Variants in GADL1 observed in about 807,000 individuals in gnomAD.
GADL1 encodes acidic amino acid decarboxylase GADL1.
In GADL1, 71 loss-of-function variants were observed where a neutral mutation model predicts 69.5. The observed-to-expected ratio is 1.02, with a 90% CI of 0.84 to 1.25. The LOEUF (loss-of-function observed/expected upper bound fraction) is 1.25, where lower values mean the gene tolerates loss of function less well. Ranked by LOEUF, GADL1 falls within the 50% of genes most tolerant of loss-of-function variation. The pLI is 0.00. For synonymous variants in GADL1, 254 were observed against 214.4 expected (o/e 1.18, Z -1.62); for missense variants, 737 against 631.8 (o/e 1.17, Z -1.79).
rs1009305896 is a variant in GADL1 at position 30,743,585 on chromosome 3, G to A, written c.1393-15170C>T. ...AAAACACAGAACAATAGCCCATCCA[G>A]AGGAGTGGGCTGGTGAGGTACTTAC... On this transcript the variant is annotated intron_variant, in intron 14 of 14. Coordinates refer to ENST00000282538, the MANE Select transcript of GADL1 (RefSeq NM_207359.3). Among the ~76,000 whole-genome samples, 5 of 152,214 alleles carry A rather than the reference G, an allele frequency of 3.3e-5. No individual in the cohort carries two copies. The South Asian group carries it at 6.2e-4, about 19-fold the overall frequency.
At chr3:30,873,439 C>G (rs916479873) in intron 1 of GADL1, among the ~76,000 whole-genome samples, 1 of 151,928 alleles carries the variant, frequency 6.6e-6, no homozygotes, top group Non-Finnish European at 1.5e-5. Flanking sequence ...CAAAGCCAGG[C>G]AGCCTGATTC....
intron 12 of GADL1, among the ~76,000 whole-genome samples, chr3:30,788,019 T>A (rs2125500723): frequency 6.6e-6 from 1 of 152,322 alleles, no homozygotes. Flanking sequence ...TGGGAATCCT[T>A]GAGCGATAAC....
At chr3:30,872,640 C>A (rs1032842218) in intron 1 of GADL1, among the ~76,000 whole-genome samples, 1 of 151,968 alleles carries the variant, frequency 6.6e-6, no homozygotes, top group East Asian at 1.9e-4. Context: ...AGTTAAATAC[C>A]CTTTTGTGGG....
intron 8 of GADL1, among the ~76,000 whole-genome samples, chr3:30,840,098 G>A (rs1254548611): frequency 6.6e-6 from 1 of 152,226 alleles, no homozygotes; most frequent in East Asian, 1.9e-4. Context: ...GCCTCTGAAA[G>A]TTTAGTGCCT....
chr3:30,729,331 T>G (rs1320322071), intron 14 of GADL1, among the ~76,000 whole-genome samples: 3 of 152,226 alleles, frequency 2.0e-5, no homozygotes, highest in Non-Finnish European at 4.4e-5. Context: ...GCATTTTTAC[T>G]GTCTTGGAAA....
intron 1 of GADL1, among the ~76,000 whole-genome samples, chr3:30,889,931 C>T (rs1202683073): frequency 2.0e-5 from 3 of 152,088 alleles, no homozygotes; most frequent in Admixed American, 6.6e-5. Flanking sequence ...TTCACAATCC[C>T]ATCTACCTAG....
chr3:30,848,089 T>G (rs2125530701), intron 6 of GADL1, among the ~76,000 whole-genome samples: 1 of 152,324 alleles, frequency 6.6e-6, no homozygotes, highest in South Asian at 2.1e-4. Flanking sequence ...TCTGCATTTA[T>G]TATCCACTGG....
chr3:30,892,419 C>T (rs908775703), intron 1 of GADL1, among the ~76,000 whole-genome samples: 3 of 152,334 alleles, frequency 2.0e-5, no homozygotes, highest in Admixed American at 1.3e-4. Context: ...GATACCATAG[C>T]AAGCATTTGG....
chr3:30,819,307 G>GT (rs1461551730), intron 11 of GADL1, among the ~76,000 whole-genome samples: 1 of 151,850 alleles, frequency 6.6e-6, no homozygotes, highest in East Asian at 1.9e-4. Context: ...ACTAAAAATG[G>GT]TTTTTTGTAT....
At chr3:30,804,573 TCTGA>T (rs1261647227) in intron 11 of GADL1, among the ~76,000 whole-genome samples, 4 of 152,200 alleles carry the variant, frequency 2.6e-5, no homozygotes, top group African/African-American at 9.6e-5. Context: ...TTCTTACTTA[TCTGA>T]CTATTCTAGC....
intron 6 of GADL1, among the ~76,000 whole-genome samples, chr3:30,844,754 C>T (rs944113440): frequency 6.6e-6 from 1 of 152,028 alleles, no homozygotes; most frequent in Non-Finnish European, 1.5e-5. Context: ...AGGGATCATG[C>T]CAATAATGCC....
chr3:30,803,995 C>T (rs1319607853), intron 11 of GADL1, among the ~76,000 whole-genome samples: 2 of 152,152 alleles, frequency 1.3e-5, no homozygotes, highest in Non-Finnish European at 2.9e-5. Context: ...CTTTCAGAGA[C>T]AAGTATCCAA....
intron 1 of GADL1, among the ~76,000 whole-genome samples, chr3:30,869,060 G>A (rs9842693): frequency 0.35 from 53,151 of 150,702 alleles, 9,999 homozygotes; most frequent in East Asian, 0.69. Flanking sequence ...CCAGCCTGGT[G>A]CCTGTGGATA....
chr3:30,797,402 C>A (rs1292347002), intron 12 of GADL1, among the ~76,000 whole-genome samples: 2 of 152,152 alleles, frequency 1.3e-5, no homozygotes, highest in African/African-American at 4.8e-5. Flanking sequence ...ATTTTCCAAG[C>A]AGTTAAGTAA....
rs201791491 is a variant in GADL1, at chr3:30,763,929, T to TTGA, written c.1392+14247_1392+14249dup. On this transcript the variant is annotated intron_variant, in intron 14 of 14. Transcript: ENST00000282538. ...TTGAAAAATGATTTTATAAATTCTC[T>TTGA]TGATAATAAAAAGGAAAAAATCTTC... Among the ~76,000 whole-genome samples, 3 of 152,236 alleles carry TTGA rather than the reference T, an allele frequency of 2.0e-5. No homozygotes were observed. In the South Asian group the frequency reaches 6.2e-4, roughly 32 times the overall value.
In GADL1 at chr3:30,728,161, A is replaced by G. The variant is rs1163852310; in HGVS notation, c.*81T>C. ...CCTATTTCTCATCAGAAGGGCTGCA[A>G]TCTACTGTGTATCTCCAAGATGTTC... is the stretch of plus-strand genomic sequence containing the variant. On this transcript the variant is annotated 3_prime_UTR_variant, in exon 15 of 15. Coordinates refer to ENST00000282538, the MANE Select transcript of GADL1 (RefSeq NM_207359.3). 23 of 1,258,928 alleles carry G rather than the reference A, an allele frequency of 1.8e-5. No homozygotes were observed. Among genetic ancestry groups the G allele is most frequent in the East Asian group, 2.3e-5 (1 of 42,638 alleles). The allele number at this position is 1,258,928 out of a possible 1,614,324, so 78.0% of individuals were successfully genotyped here.
rs1358040345 is a variant in GADL1, at chr3:30,842,819, GT to G, written c.786+1390del. Among the ~76,000 whole-genome samples the G allele has an allele frequency of 6.2e-3, 198 of 32,064 alleles. 4 individuals are homozygous for G. The South Asian group carries it at 0.11, about 17-fold the overall frequency. 21.0% of individuals were successfully genotyped at this position (32,064 alleles called of 152,430 possible). A position where few individuals can be genotyped will look rare whatever the true frequency, so the allele number is the denominator to read the frequency against. ...AATAAAGTTCACTTGTCATTGGAAT[GT>G]TTAAAAAAAAAAAAAAAAAAAAAGT... On this transcript the variant is annotated intron_variant, in intron 8 of 14. Coordinates refer to ENST00000282538, the MANE Select transcript of GADL1 (RefSeq NM_207359.3).
At chr3:30,803,626 G>T (rs76764189) in intron 11 of GADL1, among the ~76,000 whole-genome samples, 2,866 of 152,276 alleles carry the variant, frequency 0.019, 170 homozygotes, top group Admixed American at 0.12. Flanking sequence ...ATAAACAATT[G>T]TCCTGCAATA....
intron 3 of GADL1, among the ~76,000 whole-genome samples, chr3:30,855,534 A>T (rs1698215908): frequency 6.6e-6 from 1 of 152,070 alleles, no homozygotes; most frequent in Admixed American, 6.6e-5. Flanking sequence ...TGCGGCTTAC[A>T]TACACTTCTG....
Sources: gnomAD v4.1 joint callset for allele counts (sites outside exome capture counted in the v4.1 genomes callset) on GRCh38, gnomAD v4.1.1 for gene constraint, MANE v1.5 for transcripts, NCBI Gene and HGNC (gene_info 2026-07-23, HGNC 2026-07-21) for gene names.